ENOX1: variants seen among roughly 807,000 people sequenced by gnomAD.
ENOX1 encodes the protein candidate growth-related and time keeping constitutive hydroquinone (NADH) oxidase.
ENOX1 carries 42 observed loss-of-function variants against 82.5 expected under a neutral mutation model. The ratio of observed to expected loss-of-function variants is 0.51; its 90% CI spans 0.40 to 0.66. ENOX1 has a LOEUF of 0.66. ENOX1 is among the 30% of genes least tolerant of loss of function. The pLI is 0.00. For missense variants in ENOX1, 608 were observed against 811.6 expected, an observed-to-expected ratio of 0.75 and a Z score of 3.05; for synonymous variants, 271 against 282.2, an observed-to-expected ratio of 0.96 and a Z score of 0.40.
At chr13:43,315,094 C>T (rs2047403950) in intron 11 of ENOX1, among the ~76,000 whole-genome samples, 1 of 152,124 alleles carries the variant, frequency 6.6e-6, no homozygotes, top group African/African-American at 2.4e-5. Flanking sequence ...CGGAAAAATA[C>T]TTATGTAGTT....
chr13:43,358,048 A>T (rs1465705381), intron 7 of ENOX1, among the ~76,000 whole-genome samples: 1 of 152,164 alleles, frequency 6.6e-6, no homozygotes, highest in Admixed American at 6.5e-5. Flanking sequence ...AATGGGGCAG[A>T]CCAAGGAGCA....
At chr13:43,443,120 A>G (rs919368071) in intron 3 of ENOX1, among the ~76,000 whole-genome samples, 1 of 152,170 alleles carries the variant, frequency 6.6e-6, no homozygotes, top group African/African-American at 2.4e-5. Context: ...TGTTTTCTAT[A>G]AACAGCTCCC....
chr13:43,349,261 T>C (rs977500319), intron 8 of ENOX1, among the ~76,000 whole-genome samples: 5 of 152,198 alleles, frequency 3.3e-5, no homozygotes, highest in Admixed American at 6.5e-5. Flanking sequence ...TCACTGGCAA[T>C]GAAAGTTAAG....
intron 7 of ENOX1, chr13:43,359,629 A>G (rs2050370193): frequency 3.6e-6 from 2 of 556,042 alleles, no homozygotes; most frequent in African/African-American, 1.9e-5. Flanking sequence ...AACTCGATGG[A>G]ATTCCTAAAG....
At chr13:43,740,264 C>G (rs969868339) in intron 1 of ENOX1, among the ~76,000 whole-genome samples, 2 of 152,066 alleles carry the variant, frequency 1.3e-5, no homozygotes, top group African/African-American at 2.4e-5. Flanking sequence ...CACCAGGAAC[C>G]ACTGGAAGGA....
chr13:43,720,369 A>T (rs1181384180), intron 1 of ENOX1, among the ~76,000 whole-genome samples: 1 of 152,192 alleles, frequency 6.6e-6, no homozygotes, highest in Non-Finnish European at 1.5e-5. Flanking sequence ...AGCCCGTTCA[A>T]TGCCTCTCTC....
intron 14 of ENOX1, among the ~76,000 whole-genome samples, chr13:43,247,863 A>T (rs866228178): frequency 0.017 from 31 of 1,830 alleles, 1 homozygote; most frequent in South Asian, 0.062. Context: ...ATATATATAT[A>T]TATATATATA....
At chr13:43,385,299 A>AT (rs1419222306) in intron 5 of ENOX1, among the ~76,000 whole-genome samples, 6 of 152,164 alleles carry the variant, frequency 3.9e-5, no homozygotes, top group Non-Finnish European at 8.8e-5. Flanking sequence ...ACAATTCTAT[A>AT]AAAACACAAC....
intron 15 of ENOX1, among the ~76,000 whole-genome samples, chr13:43,231,947 C>T (rs1171551335): frequency 6.6e-6 from 1 of 152,038 alleles, no homozygotes; most frequent in African/African-American, 2.4e-5. Flanking sequence ...TCTTTTTTGA[C>T]AGGGTCTCAC....
chr13:43,455,250 A>T (rs1256133377), intron 3 of ENOX1, among the ~76,000 whole-genome samples: 1 of 152,150 alleles, frequency 6.6e-6, no homozygotes. Context: ...GCTGTACTTC[A>T]TTGTCTTCTA....
chr13:43,340,218 G>A (rs2048974177), intron 9 of ENOX1, among the ~76,000 whole-genome samples: 1 of 152,360 alleles, frequency 6.6e-6, no homozygotes, highest in Admixed American at 6.5e-5. Context: ...ACATAGAAGA[G>A]AATGGAAAGT....
intron 8 of ENOX1, 31 bp downstream of exon 8, chr13:43,355,888 A>G (rs760876696): frequency 1.3e-6 from 2 of 1,586,794 alleles, no homozygotes; most frequent in Non-Finnish European, 1.7e-6. Flanking sequence ...ATCCCTGTGG[A>G]GGAAGAAAAG....
At chr13:43,571,636 G>T (rs1490488154) in intron 2 of ENOX1, among the ~76,000 whole-genome samples, 1 of 152,216 alleles carries the variant, frequency 6.6e-6, no homozygotes, top group Non-Finnish European at 1.5e-5. Context: ...GTTGAAGTGA[G>T]CTGAGATTGT....
chr13:43,428,810 T>C (rs1009996771), intron 3 of ENOX1, among the ~76,000 whole-genome samples: 1 of 152,106 alleles, frequency 6.6e-6, no homozygotes, highest in South Asian at 2.1e-4. Context: ...GGGGGTACTG[T>C]GGAGGTGGGT....
chr13:43,309,553 T>G (rs1256572988), intron 11 of ENOX1, among the ~76,000 whole-genome samples: 1 of 152,206 alleles, frequency 6.6e-6, no homozygotes, highest in Non-Finnish European at 1.5e-5. Context: ...TCTCAATATT[T>G]CAGTGATTCA....
intron 2 of ENOX1, among the ~76,000 whole-genome samples, chr13:43,522,188 A>G (rs1428158600): frequency 2.6e-5 from 4 of 152,112 alleles, no homozygotes; most frequent in Non-Finnish European, 5.9e-5. Flanking sequence ...GATTAGCTAG[A>G]TTCAGATAAT....
intron 1 of ENOX1, among the ~76,000 whole-genome samples, chr13:43,709,444 T>C (rs897702532): frequency 1.3e-5 from 2 of 152,050 alleles, no homozygotes; most frequent in South Asian, 4.1e-4. Context: ...AGTACATTTT[T>C]AACGAAACAA....
intron 12 of ENOX1, among the ~76,000 whole-genome samples, chr13:43,294,607 C>CCAA (rs1282787869): frequency 6.6e-6 from 1 of 152,048 alleles, no homozygotes; most frequent in African/African-American, 2.4e-5. Context: ...GCCATATGAC[C>CCAA]CAACAATCAC....
rs145726516 is a variant in ENOX1, at chr13:43,235,881, G to C, written c.1714+755C>G. Reference sequence around the variant, plus strand: ...AGTCTCACCTGGCAACCCCACACTGGGGTCAGTGCCAAGGTGCAGCTTGAA... The same window carrying C: ...AGTCTCACCTGGCAACCCCACACTGCGGTCAGTGCCAAGGTGCAGCTTGAA... On this transcript the variant is annotated intron_variant, in intron 15 of 16. Coordinates refer to ENST00000690772, the MANE Select transcript of ENOX1 (RefSeq NM_001347969.2). Among the ~76,000 whole-genome samples the C allele has an allele frequency of 4.5e-4, 68 of 152,258 alleles. 1 individual carries two copies. The highest frequency in any genetic ancestry group is 1.6e-3 in the African/African-American group (66 of 41,544).
Sources: allele counts gnomAD v4.1 joint callset (sites outside exome capture counted in the v4.1 genomes callset), GRCh38; gene constraint gnomAD v4.1.1; transcripts MANE v1.5; gene names NCBI Gene and HGNC (gene_info 2026-07-23, HGNC 2026-07-21).